The following RHOH variants were observed in gnomAD, a reference collection of about 807,000 sequenced individuals.
The protein encoded by RHOH is rho-related GTP-binding protein RhoH.
A neutral mutation model predicts 13.8 loss-of-function variants in RHOH; 6 were observed. The ratio of observed to expected loss-of-function variants is 0.44; its 90% CI spans 0.24 to 0.86. RHOH has a LOEUF of 0.86. Among genes scored for constraint, RHOH ranks in the 40% least tolerant of loss-of-function variants. The pLI, the probability that RHOH is intolerant of heterozygous loss-of-function variation, is 0.24. For missense variants in RHOH, 147 were observed against 244.5 expected (o/e 0.60, Z 2.66); for synonymous variants, 117 against 103.0 (o/e 1.14, Z -0.82).
chr4:40,214,659 T>C (rs1454675630), intron 1 of RHOH, among the ~76,000 whole-genome samples: 3 of 152,242 alleles, frequency 2.0e-5, no homozygotes, highest in Non-Finnish European at 4.4e-5. Flanking sequence ...TAGTCATCCA[T>C]GGAAAACAGG....
At chr4:40,224,867 G>T (rs1325764247) in intron 1 of RHOH, among the ~76,000 whole-genome samples, 1 of 152,176 alleles carries the variant, frequency 6.6e-6, no homozygotes, top group South Asian at 2.1e-4. Context: ...ATGCTGATTG[G>T]TAAGTGCAAG....
At chr4:40,205,012 C>T (rs1013259274) in intron 1 of RHOH, among the ~76,000 whole-genome samples, 1 of 152,112 alleles carries the variant, frequency 6.6e-6, no homozygotes, top group Non-Finnish European at 1.5e-5. Context: ...CTTGTAATCC[C>T]AGCACTTTGG....
chr4:40,196,869 C>T (rs1723196161), upstream of RHOH: 1 of 152,130 alleles, frequency 6.6e-6, no homozygotes, highest in African/African-American at 2.4e-5. Context: ...AGCGGTGCGG[C>T]AAAGGCCTTA....
intron 1 of RHOH, chr4:40,205,916 ATG>A (rs1380976386): frequency 2.5e-4 from 38 of 152,384 alleles, no homozygotes; most frequent in African/African-American, 7.2e-4. Context: ...TATAACAAAT[ATG>A]TTCCAGTAAT....
At chr4:40,223,469 T>C (rs1399516062) in intron 1 of RHOH, among the ~76,000 whole-genome samples, 1 of 135,984 alleles carries the variant, frequency 7.4e-6, no homozygotes, top group East Asian at 2.0e-4. Context: ...TTGTTAGCTT[T>C]TTTTTTTTTT....
chr4:40,241,975 C>T (rs193030192), intron 1 of RHOH, among the ~76,000 whole-genome samples: 6 of 152,360 alleles, frequency 3.9e-5, no homozygotes, highest in African/African-American at 1.4e-4. Flanking sequence ...TTAAATCAGA[C>T]GTGTAGGTTT....
chr4:40,199,980 G>A (rs1173035947), intron 1 of RHOH, among the ~76,000 whole-genome samples: 1 of 152,208 alleles, frequency 6.6e-6, no homozygotes, highest in Non-Finnish European at 1.5e-5. Context: ...GTCACACGGT[G>A]ATAGTGTTCC....
chr4:40,231,203 C>T (rs963117199), intron 1 of RHOH, among the ~76,000 whole-genome samples: 1 of 152,070 alleles, frequency 6.6e-6, no homozygotes, highest in African/African-American at 2.4e-5. Flanking sequence ...GCTTTCCACC[C>T]ATTTAGCTTA....
In RHOH at chr4:40,244,087, G is replaced by A; in HGVS notation, c.*125G>A. Reference sequence around the variant, plus strand: ...ACACCCCAAGCAGCGTCTCCTTTTGGATACAGTTATTGATGAGGCTTGGCC... The same window carrying A: ...ACACCCCAAGCAGCGTCTCCTTTTGAATACAGTTATTGATGAGGCTTGGCC... On this transcript the variant is annotated 3_prime_UTR_variant, in exon 3 of 3. Coordinates refer to ENST00000381799, the MANE Select transcript of RHOH (RefSeq NM_004310.5). 1 of 747,864 alleles carries A rather than the reference G, an allele frequency of 1.3e-6. No individual in the cohort carries two copies. The highest frequency in any genetic ancestry group is 2.0e-5 in the South Asian group (1 of 50,236). The allele number at this position is 747,864 out of a possible 1,614,324, so 46.3% of individuals were successfully genotyped here.
intron 1 of RHOH, among the ~76,000 whole-genome samples, chr4:40,238,352 G>A (rs1728838105): frequency 2.0e-5 from 3 of 152,216 alleles, no homozygotes; most frequent in Admixed American, 2.0e-4. Flanking sequence ...GGCGTCAGGT[G>A]GAGAATTGGT....
chr4:40,242,932 G>C (rs1488786196), intron 2 of RHOH, 98 bp downstream of exon 2: 1 of 164,422 alleles, frequency 6.1e-6, no homozygotes, highest in Non-Finnish European at 1.3e-5. Context: ...TCTGCTTCTT[G>C]ACCGGGAGGC....
intron 1 of RHOH, among the ~76,000 whole-genome samples, chr4:40,224,539 A>G (rs192231087): frequency 1.1e-4 from 16 of 152,354 alleles, no homozygotes; most frequent in Non-Finnish European, 2.1e-4. Context: ...TATCATTTAT[A>G]TAGAATTTTA....
intron 1 of RHOH, among the ~76,000 whole-genome samples, chr4:40,204,598 A>G (rs889341361): frequency 2.0e-5 from 3 of 152,026 alleles, no homozygotes; most frequent in African/African-American, 7.3e-5. Flanking sequence ...CCATTCATGG[A>G]CTCTCAGGGA....
At position 40,218,174 on chromosome 4, in the gene RHOH, A is replaced by C. The variant is rs1312500226; in HGVS notation, c.-331+20874A>C. ...CGAGGATGCTTTGGAGAACGGAAGG[A>C]TTTCATCGAGTCCAAAGGACACTCA... is the stretch of plus-strand genomic sequence containing the variant. On this transcript the variant is annotated intron_variant, in intron 1 of 2. Transcript: ENST00000381799. This position sits in a 1 kb window ranked among gnomAD's most constrained non-coding sequence, Gnocchi z 4.1. 1.3e-5 allele frequency: 2 copies of C among 152,096 alleles called. No homozygotes were observed. The highest frequency in any genetic ancestry group is 4.8e-5 in the African/African-American group (2 of 41,402). 9.4% of individuals were successfully genotyped at this position (152,096 alleles called of 1,614,324 possible).
At chr4:40,234,536 G>A (rs906957245) in intron 1 of RHOH, among the ~76,000 whole-genome samples, 4 of 151,972 alleles carry the variant, frequency 2.6e-5, no homozygotes, top group Non-Finnish European at 4.4e-5. Context: ...CCACGGTCCC[G>A]GTGTGATTGG....
At chr4:40,238,760 C>T (rs545824263) in intron 1 of RHOH, among the ~76,000 whole-genome samples, 18 of 152,286 alleles carry the variant, frequency 1.2e-4, no homozygotes, top group South Asian at 6.2e-4. Context: ...TCACCCATGA[C>T]GCTCTCGTAA....
At chr4:40,192,587 A>T (rs958375911), upstream of RHOH, among the ~76,000 whole-genome samples, 3 of 119,398 alleles carry the variant, frequency 2.5e-5, no homozygotes, top group Admixed American at 9.0e-5. Context: ...CATATTATTT[A>T]AAAAACCTCA....
Position 40,244,527 on chromosome 4 carries a change from A to C in RHOH, c.*565A>C. On this transcript the variant is annotated 3_prime_UTR_variant, in exon 3 of 3. Transcript: ENST00000381799. ...AAAATGACCATAAATGAATCTTTGC[A>C]ATTTGTTTTCTACTTACCTGTTATT... 1 of 208,710 alleles carries C rather than the reference A, an allele frequency of 4.8e-6. No homozygotes were observed. Among genetic ancestry groups the C allele is most frequent in the Non-Finnish European group, 1.1e-5 (1 of 93,268 alleles). The allele number at this position is 208,710 out of a possible 1,614,324, so 12.9% of individuals were successfully genotyped here.
At chr4:40,226,215 A>G (rs1727213647) in intron 1 of RHOH, among the ~76,000 whole-genome samples, 1 of 152,172 alleles carries the variant, frequency 6.6e-6, no homozygotes, top group Middle Eastern at 3.2e-3. Flanking sequence ...ACTGCTGCTC[A>G]GCAAGGGAGA....
Sources: gnomAD v4.1 joint callset for allele counts (sites outside exome capture counted in the v4.1 genomes callset) on GRCh38, gnomAD v4.1.1 for gene constraint, Gnocchi (gnomAD v3.1) non-coding constraint, MANE v1.5 for transcripts, NCBI Gene and HGNC (gene_info 2026-07-23, HGNC 2026-07-21) for gene names.